NRG3: variants seen among roughly 807,000 people sequenced by gnomAD.
NRG3 encodes the protein neuregulin 3.
A neutral mutation model predicts 66.9 loss-of-function variants in NRG3; 31 were observed. The observed-to-expected ratio is 0.46, with a 90% CI of 0.35 to 0.63. NRG3 has a LOEUF of 0.63. Among genes scored for constraint, NRG3 ranks in the 20% least tolerant of loss-of-function variants. NRG3 has a pLI of 0.00. For synonymous variants in NRG3, 393 were observed against 359.4 expected (o/e 1.09, Z -1.06); for missense variants, 910 against 878.9 (o/e 1.04, Z -0.45).
At chr10:82,373,694 T>C (rs184343876) in intron 2 of NRG3, among the ~76,000 whole-genome samples, 456 of 152,360 alleles carry the variant, frequency 3.0e-3, no homozygotes, top group Admixed American at 5.0e-3. Flanking sequence ...GTATCTACTT[T>C]AAATAAGGTC....
intron 3 of NRG3, among the ~76,000 whole-genome samples, chr10:82,758,397 T>C (rs1325779607): frequency 6.6e-6 from 1 of 152,012 alleles, no homozygotes; most frequent in Non-Finnish European, 1.5e-5. Context: ...TTATGAGTAA[T>C]AAAGTATAAG....
intron 1 of NRG3, among the ~76,000 whole-genome samples, chr10:82,345,625 A>T (rs1376209284): frequency 1.3e-5 from 2 of 151,274 alleles, no homozygotes; most frequent in African/African-American, 4.9e-5. Flanking sequence ...CTTGATGGGG[A>T]TGGCATTGAA....
chr10:81,930,885 C>G (rs1847278845), intron 1 of NRG3, among the ~76,000 whole-genome samples: 1 of 152,160 alleles, frequency 6.6e-6, no homozygotes, highest in Non-Finnish European at 1.5e-5. Flanking sequence ...CTATAAGTTG[C>G]TGGGGTCTGT....
intron 3 of NRG3, among the ~76,000 whole-genome samples, chr10:82,800,979 A>G (rs2061010148): frequency 6.6e-6 from 1 of 152,200 alleles, no homozygotes; most frequent in African/African-American, 2.4e-5. Flanking sequence ...AAGGTGGGAA[A>G]GAATTGAATT....
chr10:82,087,048 T>G (rs142717016), intron 1 of NRG3, among the ~76,000 whole-genome samples: 1 of 152,164 alleles, frequency 6.6e-6, no homozygotes, highest in African/African-American at 2.4e-5. Context: ...TAAATATGCC[T>G]TATCCTCAGC....
chr10:82,551,479 T>C (rs145680258), intron 2 of NRG3, among the ~76,000 whole-genome samples: 20 of 152,274 alleles, frequency 1.3e-4, no homozygotes, highest in African/African-American at 4.8e-4. Flanking sequence ...ACCCTACTAG[T>C]AATATGATCT....
At chr10:82,180,716 G>A (rs1280812721) in intron 1 of NRG3, among the ~76,000 whole-genome samples, 3 of 151,812 alleles carry the variant, frequency 2.0e-5, no homozygotes, top group African/African-American at 7.2e-5. Flanking sequence ...TTCTTGCAGT[G>A]TCTTTTTCTG....
At chr10:81,958,734 A>G (rs1375464112) in intron 1 of NRG3, among the ~76,000 whole-genome samples, 1 of 152,080 alleles carries the variant, frequency 6.6e-6, no homozygotes, top group Non-Finnish European at 1.5e-5. Flanking sequence ...TACTAAAAAT[A>G]CAAAATTAGC....
chr10:82,869,663 A>G (rs1370228474), intron 4 of NRG3, among the ~76,000 whole-genome samples: 1 of 149,984 alleles, frequency 6.7e-6, no homozygotes, highest in African/African-American at 2.5e-5. Context: ...GCTGGAGTGC[A>G]GTGGTGCCAT....
chr10:82,976,500 G>T (rs1014552481), intron 7 of NRG3, among the ~76,000 whole-genome samples: 1 of 152,134 alleles, frequency 6.6e-6, no homozygotes, highest in African/African-American at 2.4e-5. Flanking sequence ...TGTGTGCCAG[G>T]CTCCATGCCC....
chr10:82,389,277 G>A (rs2086202792), intron 2 of NRG3, among the ~76,000 whole-genome samples: 1 of 152,128 alleles, frequency 6.6e-6, no homozygotes, highest in South Asian at 2.1e-4. Flanking sequence ...TAGCATCATT[G>A]TAAATAAAAA....
At chr10:82,973,678 G>A in intron 6 of NRG3, 110 bp from the exon 7 acceptor site, 4 of 1,174,436 alleles carry the variant, frequency 3.4e-6, no homozygotes, top group South Asian at 2.7e-5. Flanking sequence ...CTCTAGTCAG[G>A]TGACCAGGAG....
intron 2 of NRG3, among the ~76,000 whole-genome samples, chr10:82,399,397 T>C (rs1227294180): frequency 6.6e-6 from 1 of 152,200 alleles, no homozygotes; most frequent in Non-Finnish European, 1.5e-5. Flanking sequence ...GAAACTGTTG[T>C]ATTTCCCATA....
chr10:81,998,425 G>A (rs2061029463), intron 1 of NRG3, among the ~76,000 whole-genome samples: 1 of 152,074 alleles, frequency 6.6e-6, no homozygotes, highest in Non-Finnish European at 1.5e-5. Flanking sequence ...GGAACTTTGT[G>A]GTATGCTGTT....
At chr10:82,401,624 A>C (rs1479658802) in intron 2 of NRG3, among the ~76,000 whole-genome samples, 1 of 152,094 alleles carries the variant, frequency 6.6e-6, no homozygotes, top group Non-Finnish European at 1.5e-5. Context: ...TTGCTTCTCT[A>C]CTTGTTAGTA....
intron 2 of NRG3, among the ~76,000 whole-genome samples, chr10:82,462,289 A>G (rs1201259249): frequency 6.6e-6 from 1 of 152,056 alleles, no homozygotes; most frequent in African/African-American, 2.4e-5. Flanking sequence ...AGGGTAAGTC[A>G]GGGGCAGCCT....
intron 4 of NRG3, among the ~76,000 whole-genome samples, chr10:82,923,851 G>A (rs1265618935): frequency 2.6e-5 from 4 of 151,858 alleles, no homozygotes; most frequent in South Asian, 2.1e-4. Context: ...AGAGAGGGCC[G>A]GGCACAGAGG....
At chr10:82,669,226 G>A (rs1030326722) in intron 2 of NRG3, among the ~76,000 whole-genome samples, 1 of 147,974 alleles carries the variant, frequency 6.8e-6, no homozygotes, top group Non-Finnish European at 1.5e-5. Context: ...AAGTAACTTG[G>A]ACTAGTCAGC....
At chr10:82,271,164 A>T (rs1022349365) in intron 1 of NRG3, among the ~76,000 whole-genome samples, 1 of 152,066 alleles carries the variant, frequency 6.6e-6, no homozygotes, top group Non-Finnish European at 1.5e-5. Flanking sequence ...AGAAAGAATA[A>T]GGGGATATTC....
Sources: gnomAD v4.1 joint callset for allele counts (sites outside exome capture counted in the v4.1 genomes callset) on GRCh38, gnomAD v4.1.1 for gene constraint, MANE v1.5 for transcripts, NCBI Gene and HGNC (gene_info 2026-07-23, HGNC 2026-07-21) for gene names.